PLXDC2: variants seen among roughly 807,000 people sequenced by gnomAD.
PLXDC2 encodes plexin domain containing 2, also known as plexin domain-containing protein 2.
Under a neutral mutation model 68.9 loss-of-function variants are expected in PLXDC2, and 40 were observed. The ratio of observed to expected loss-of-function variants is 0.58; its 90% CI spans 0.45 to 0.76. The LOEUF (loss-of-function observed/expected upper bound fraction) is 0.76. Ranked by LOEUF, PLXDC2 falls within the 30% of genes least tolerant of loss-of-function variation. PLXDC2 has a pLI of 0.00. For synonymous variants in PLXDC2, 243 were observed against 234.2 expected (o/e 1.04, Z -0.34); for missense variants, 644 against 661.9 (o/e 0.97, Z 0.30).
chr10:19,841,541 T>G (rs1258923524), intron 1 of PLXDC2, among the ~76,000 whole-genome samples: 1 of 147,746 alleles, frequency 6.8e-6, no homozygotes, highest in Non-Finnish European at 1.5e-5. Flanking sequence ...TTCAGGGTTT[T>G]TTTTTTTTTT....
chr10:19,855,039 A>G (rs1837187543), intron 1 of PLXDC2, among the ~76,000 whole-genome samples: 1 of 152,190 alleles, frequency 6.6e-6, no homozygotes, highest in African/African-American at 2.4e-5. Flanking sequence ...CTGTGATGGG[A>G]CTAAAATGTA....
chr10:20,104,931 A>C (rs2131742741), intron 4 of PLXDC2, among the ~76,000 whole-genome samples: 1 of 151,616 alleles, frequency 6.6e-6, no homozygotes, highest in East Asian at 1.9e-4. Context: ...TGTGCCTGTA[A>C]TCCCAGCTAC....
intron 2 of PLXDC2, among the ~76,000 whole-genome samples, chr10:20,017,436 C>G (rs1835231812): frequency 6.6e-6 from 1 of 152,168 alleles, no homozygotes; most frequent in African/African-American, 2.4e-5. Context: ...TACCTGTTTC[C>G]AAGTTCCCCT....
intron 4 of PLXDC2, among the ~76,000 whole-genome samples, chr10:20,125,037 C>G (rs1044356065): frequency 1.3e-5 from 2 of 152,098 alleles, no homozygotes; most frequent in African/African-American, 4.8e-5. Flanking sequence ...ATAAATATTG[C>G]AGTTGGCATT....
intron 4 of PLXDC2, among the ~76,000 whole-genome samples, chr10:20,086,334 T>C (rs1313859494): frequency 6.7e-6 from 1 of 148,592 alleles, no homozygotes; most frequent in Non-Finnish European, 1.5e-5. Flanking sequence ...TACTTTATTT[T>C]ATTTTATTTT....
intron 4 of PLXDC2, among the ~76,000 whole-genome samples, chr10:20,072,489 G>GAA (rs1836342315): frequency 1.9e-5 from 2 of 105,334 alleles, no homozygotes; most frequent in South Asian, 3.1e-4. Flanking sequence ...AACAAAGAAA[G>GAA]AAAGAGAAAG....
chr10:19,948,075 CT>C (rs1318202526), intron 1 of PLXDC2, among the ~76,000 whole-genome samples: 4 of 152,078 alleles, frequency 2.6e-5, no homozygotes, highest in African/African-American at 4.8e-5. Flanking sequence ...CTTAAATAAT[CT>C]TTTTTAAGGA....
chr10:20,179,498 G>A (rs760071368), intron 9 of PLXDC2, among the ~76,000 whole-genome samples: 1 of 151,866 alleles, frequency 6.6e-6, no homozygotes, highest in Admixed American at 6.6e-5. Flanking sequence ...GCTAAAACCA[G>A]GAAAGTCCAG....
At chr10:20,019,087 C>T (rs1835259720) in intron 2 of PLXDC2, among the ~76,000 whole-genome samples, 1 of 152,094 alleles carries the variant, frequency 6.6e-6, no homozygotes, top group Non-Finnish European at 1.5e-5. Context: ...CAAGACCAGC[C>T]AGGGTAACAT....
intron 1 of PLXDC2, among the ~76,000 whole-genome samples, chr10:19,998,230 A>G (rs1286968280): frequency 6.6e-6 from 1 of 152,216 alleles, no homozygotes; most frequent in East Asian, 1.9e-4. Context: ...TTAAAGAGTA[A>G]TTTAAAACAT....
intron 4 of PLXDC2, among the ~76,000 whole-genome samples, chr10:20,106,209 A>G (rs535637379): frequency 6.6e-6 from 1 of 152,328 alleles, no homozygotes; most frequent in African/African-American, 2.4e-5. Context: ...CCACTTAGAC[A>G]TAAGTTTAAA....
chr10:19,971,539 GA>G (rs1224017438), intron 1 of PLXDC2, among the ~76,000 whole-genome samples: 1 of 152,208 alleles, frequency 6.6e-6, no homozygotes, highest in Admixed American at 6.5e-5. Context: ...AAGAAGGCTG[GA>G]TAGGGGCCGG....
chr10:20,210,415 A>T lies in PLXDC2; in HGVS notation c.1062-1254A>T, dbSNP rs146320624. ...CCTAAAAGGAGCGACTATGGTAGCA[A>T]TGCTTTATCAGAATGTGCTCTGGAT... On this transcript the variant is annotated intron_variant, in intron 9 of 13. Transcript: ENST00000377252. Among the ~76,000 whole-genome samples, 140 of 152,284 alleles carry T rather than the reference A, an allele frequency of 9.2e-4. 1 individual carries two copies. The East Asian group carries it at 0.02, about 22-fold the overall frequency.
At chr10:20,116,721 G>A (rs11011808) in intron 4 of PLXDC2, among the ~76,000 whole-genome samples, 7,479 of 152,246 alleles carry the variant, frequency 0.049, 257 homozygotes, top group African/African-American at 0.09. Context: ...ATAGAAAGGA[G>A]AAATTTGAAG....
chr10:19,897,524 C>T (rs1304094370), intron 1 of PLXDC2, among the ~76,000 whole-genome samples: 3 of 152,148 alleles, frequency 2.0e-5, no homozygotes, highest in African/African-American at 7.2e-5. Flanking sequence ...GGATTACAGG[C>T]ATGAGCCACC....
chr10:19,847,773 G>A (rs778820414), intron 1 of PLXDC2, among the ~76,000 whole-genome samples: 17 of 152,132 alleles, frequency 1.1e-4, no homozygotes, highest in Non-Finnish European at 2.1e-4. Context: ...TTATGTTCTT[G>A]TAACACCACT....
chr10:19,965,585 G>A (rs527688180), intron 1 of PLXDC2, among the ~76,000 whole-genome samples: 1 of 152,168 alleles, frequency 6.6e-6, no homozygotes, highest in South Asian at 2.1e-4. Context: ...ATCTGCTTCT[G>A]GAATAATAAA....
At chr10:20,002,073 TTC>T in intron 2 of PLXDC2, 87 bp downstream of exon 2, 1 of 1,306,794 alleles carries the variant, frequency 7.7e-7, no homozygotes, top group Non-Finnish European at 1.1e-6. Flanking sequence ...AAGTTGTCTC[TTC>T]ATCTCAATCT....
chr10:20,208,628 G>A (rs1835025458), intron 9 of PLXDC2, among the ~76,000 whole-genome samples: 1 of 152,132 alleles, frequency 6.6e-6, no homozygotes, highest in African/African-American at 2.4e-5. Context: ...AAGATATTAT[G>A]TATCAGATAT....
Sources: gnomAD v4.1 joint callset for allele counts (sites outside exome capture counted in the v4.1 genomes callset) on GRCh38, gnomAD v4.1.1 for gene constraint, MANE v1.5 for transcripts, NCBI Gene and HGNC (gene_info 2026-07-23, HGNC 2026-07-21) for gene names.